Variants in LMCD1 observed in about 807,000 individuals in gnomAD.
The protein encoded by LMCD1 is LIM and cysteine rich domains 1.
In LMCD1, 32 loss-of-function variants were observed where a neutral mutation model predicts 42.7. That is an observed-to-expected ratio of 0.75 (90% CI 0.57 to 1.01). The LOEUF is 1.01. Ranked by LOEUF, LMCD1 falls within the 50% of genes least tolerant of loss-of-function variation. LMCD1 has a pLI of 0.00. For synonymous variants in LMCD1, 178 were observed against 184.9 expected, an observed-to-expected ratio of 0.96 and a Z score of 0.30; for missense variants, 458 against 483.1, an observed-to-expected ratio of 0.95 and a Z score of 0.49.
intron 2 of LMCD1, among the ~76,000 whole-genome samples, chr3:8,535,710 C>T (rs1423666477): frequency 6.6e-6 from 1 of 152,204 alleles, no homozygotes; most frequent in Non-Finnish European, 1.5e-5. Context: ...ATGTATTCTA[C>T]TTTATATAAT....
At chr3:8,554,629 G>T (rs936729949) in intron 4 of LMCD1, among the ~76,000 whole-genome samples, 5 of 152,146 alleles carry the variant, frequency 3.3e-5, no homozygotes, top group African/African-American at 1.2e-4. Context: ...ACACCAGGCT[G>T]GTGGGAGCCC....
intron 4 of LMCD1, chr3:8,550,253 T>C (rs1290609533): frequency 1.4e-5 from 15 of 1,063,724 alleles, no homozygotes; most frequent in Non-Finnish European, 1.7e-5. Flanking sequence ...CCCCAGCCCC[T>C]GTTTTACCTT....
At chr3:8,543,355 C>G (rs1694665076) in intron 3 of LMCD1, among the ~76,000 whole-genome samples, 1 of 150,386 alleles carries the variant, frequency 6.6e-6, no homozygotes, top group African/African-American at 2.5e-5. Flanking sequence ...CAGAGCCACC[C>G]AGGAGAAACT....
intron 4 of LMCD1, among the ~76,000 whole-genome samples, chr3:8,555,165 G>A (rs1694910312): frequency 6.6e-6 from 1 of 152,106 alleles, no homozygotes; most frequent in African/African-American, 2.4e-5. Context: ...AGAGGGGGAC[G>A]GGAGGCCTCC....
At chr3:8,502,612 G>T (rs955473893) in intron 1 of LMCD1, among the ~76,000 whole-genome samples, 1 of 142,446 alleles carries the variant, frequency 7.0e-6, no homozygotes. Context: ...ACACACGCAC[G>T]CAGTTTCTTT....
At chr3:8,517,433 C>T (rs1246701563) in intron 1 of LMCD1, among the ~76,000 whole-genome samples, 1 of 152,128 alleles carries the variant, frequency 6.6e-6, no homozygotes, top group African/African-American at 2.4e-5. Flanking sequence ...ACTTCTGGTC[C>T]TAAGCATTTT....
At chr3:8,532,671 G>C (rs1002956027) in intron 1 of LMCD1, 66 bp from the exon 2 acceptor site, 2 of 1,391,852 alleles carry the variant, frequency 1.4e-6, no homozygotes, top group Admixed American at 3.4e-5. Flanking sequence ...AAGTCTTTTA[G>C]AGGTCAAGCA....
intron 4 of LMCD1, among the ~76,000 whole-genome samples, chr3:8,553,136 C>T (rs1028180058): frequency 3.3e-5 from 5 of 152,184 alleles, no homozygotes; most frequent in African/African-American, 4.8e-5. Context: ...CCTACCTTGA[C>T]GGCCCCCATC....
intron 4 of LMCD1, among the ~76,000 whole-genome samples, chr3:8,554,569 G>A (rs963317718): frequency 2.6e-5 from 4 of 152,150 alleles, no homozygotes; most frequent in Non-Finnish European, 5.9e-5. Flanking sequence ...TTGAGTATCA[G>A]AGATCTCCGT....
At chr3:8,552,211 G>A (rs1694854098) in intron 4 of LMCD1, among the ~76,000 whole-genome samples, 1 of 152,186 alleles carries the variant, frequency 6.6e-6, no homozygotes, top group Non-Finnish European at 1.5e-5. Flanking sequence ...GATGTGAAGT[G>A]GCTGTGCCTC....
intron 1 of LMCD1, among the ~76,000 whole-genome samples, chr3:8,502,823 G>T (rs1693790529): frequency 6.6e-6 from 1 of 152,154 alleles, no homozygotes; most frequent in Non-Finnish European, 1.5e-5. Context: ...AGAAGGCACA[G>T]GCTGGAGACT....
chr3:8,551,787 T>A (rs895453597), intron 4 of LMCD1, among the ~76,000 whole-genome samples: 1 of 152,184 alleles, frequency 6.6e-6, no homozygotes, highest in African/African-American at 2.4e-5. Context: ...TCACATCAAG[T>A]GGACGTGTGT....
At chr3:8,561,576 A>G (rs999645923) in intron 4 of LMCD1, among the ~76,000 whole-genome samples, 1 of 152,248 alleles carries the variant, frequency 6.6e-6, no homozygotes, top group Non-Finnish European at 1.5e-5. Flanking sequence ...TCAAGTCCAC[A>G]TGATGGAGTA....
rs1695151964 is a variant in LMCD1, at chr3:8,567,654, G to T, written c.*56G>T. On this transcript the variant is annotated 3_prime_UTR_variant, in exon 6 of 6. Coordinates refer to ENST00000157600, the MANE Select transcript of LMCD1 (RefSeq NM_014583.4). ...GGATCCCACCGAGAAGGAGAGCCAG[G>T]TGTGCCGAGACCATCCTAAGGGTCC... 5.1e-6 allele frequency: 8 copies of T among 1,564,838 alleles called. No homozygotes were observed. The highest frequency in any genetic ancestry group is 6.1e-6 in the Non-Finnish European group (7 of 1,153,838).
chr3:8,550,450 G>A (rs934019833), intron 4 of LMCD1: 3 of 985,922 alleles, frequency 3.0e-6, no homozygotes, highest in East Asian at 2.3e-4. Context: ...GCCACATCCA[G>A]AGAGGGCCGG....
chr3:8,537,167 C>A lies in LMCD1; in HGVS notation c.132-18C>A, dbSNP rs554316062. On this transcript the variant is annotated intron_variant, in intron 2 of 5. Transcript: ENST00000157600. ...TCCTGGAGGTTAATCTCACTGGTCCCCATCCACCCACCCCCAGGAAAATAT... is the reference window on the plus strand; with the variant it reads ...TCCTGGAGGTTAATCTCACTGGTCCACATCCACCCACCCCCAGGAAAATAT... The A allele has an allele frequency of 5.0e-6, 8 of 1,611,508 alleles. No homozygotes were observed. The East Asian group carries it at 1.8e-4, about 36-fold the overall frequency.
At position 8,573,160 on chromosome 3, in the gene LMCD1, C is replaced by T. The variant is rs1487752727; in HGVS notation, c.*5562C>T. On this transcript the variant is annotated 3_prime_UTR_variant, in exon 6 of 6. Coordinates refer to ENST00000157600, the MANE Select transcript of LMCD1 (RefSeq NM_014583.4). ...TTAGTGGGGATTTTGTCAATTATAACCAAAAACAATGTGACGGATACCCAA... is the reference window on the plus strand; with the variant it reads ...TTAGTGGGGATTTTGTCAATTATAATCAAAAACAATGTGACGGATACCCAA... 6.6e-6 allele frequency: 1 copy of T among 152,144 alleles called. No individual in the cohort carries two copies. Among genetic ancestry groups the T allele is most frequent in the African/African-American group, 2.4e-5 (1 of 41,438 alleles). The allele number at this position is 152,144 out of a possible 1,614,324, so 9.4% of individuals were successfully genotyped here.
At chr3:8,513,523 G>C (rs908557163) in intron 1 of LMCD1, among the ~76,000 whole-genome samples, 1 of 152,074 alleles carries the variant, frequency 6.6e-6, no homozygotes, top group Non-Finnish European at 1.5e-5. Context: ...AAAGCACCAA[G>C]AGAAGAACTC....
chr3:8,537,641 A>G (rs1242641914), intron 3 of LMCD1: 2 of 547,652 alleles, frequency 3.7e-6, no homozygotes, highest in East Asian at 3.0e-5. Flanking sequence ...TTCCTTATCC[A>G]TGAAATGGGT....
Sources: allele counts gnomAD v4.1 joint callset (sites outside exome capture counted in the v4.1 genomes callset), GRCh38; gene constraint gnomAD v4.1.1; transcripts MANE v1.5; gene names NCBI Gene and HGNC (gene_info 2026-07-23, HGNC 2026-07-21).